ACYP2: variants seen among roughly 807,000 people sequenced by gnomAD.
ACYP2 encodes the protein acylphosphatase-2.
ACYP2 carries 12 observed loss-of-function variants against 11.2 expected under a neutral mutation model. That is an observed-to-expected ratio of 1.08 (90% CI 0.69 to 1.74). The LOEUF (loss-of-function observed/expected upper bound fraction) is 1.74, where lower values mean the gene tolerates loss of function less well. ACYP2 is among the 40% of genes most tolerant of loss of function. The pLI is 0.00. For synonymous variants in ACYP2, 43 were observed against 32.2 expected, an observed-to-expected ratio of 1.33 and a Z score of -1.13; for missense variants, 134 against 101.9, an observed-to-expected ratio of 1.31 and a Z score of -1.35.
intron 6 of ACYP2, among the ~76,000 whole-genome samples, chr2:54,213,531 A>G (rs549454565): frequency 6.6e-6 from 1 of 152,100 alleles, no homozygotes; most frequent in South Asian, 2.1e-4. Flanking sequence ...TTTCTAATTT[A>G]TTCCCACCAG....
chr2:54,133,973 A>G (rs1247273741), intron 4 of ACYP2, among the ~76,000 whole-genome samples: 2 of 152,216 alleles, frequency 1.3e-5, no homozygotes, highest in African/African-American at 4.8e-5. Context: ...GGATACCATC[A>G]TAGTTGGCCA....
chr2:54,069,075 C>G (rs1258773282), intron 4 of ACYP2, among the ~76,000 whole-genome samples: 1 of 151,912 alleles, frequency 6.6e-6, no homozygotes, highest in Non-Finnish European at 1.5e-5. Flanking sequence ...CTACATGTGG[C>G]ACCACCACAC....
rs969507938 is a variant in ACYP2 at position 54,275,401 on chromosome 2, G to A, written c.405-29287G>A. Among the ~76,000 whole-genome samples the A allele has an allele frequency of 3.9e-5, 6 of 152,296 alleles. No homozygotes were observed. In the South Asian group the frequency reaches 1.2e-3, roughly 32 times the overall value. ...ATTGGCTACTGACTATTTGAAATTGGCTATTTCATAGAGGTAAAAATCTCA... is the reference window on the plus strand; with the variant it reads ...ATTGGCTACTGACTATTTGAAATTGACTATTTCATAGAGGTAAAAATCTCA... On this transcript the variant is annotated intron_variant, in intron 6 of 6. Transcript: ENST00000607452.
chr2:54,171,147 A>G (rs1272163273), intron 6 of ACYP2, among the ~76,000 whole-genome samples: 4 of 152,114 alleles, frequency 2.6e-5, no homozygotes, highest in Non-Finnish European at 5.9e-5. Context: ...CCCATATGTG[A>G]TCAGCAGGGG....
At chr2:54,034,719 G>T (rs1437654606) in intron 2 of ACYP2, among the ~76,000 whole-genome samples, 1 of 152,024 alleles carries the variant, frequency 6.6e-6, no homozygotes, top group African/African-American at 2.4e-5. Context: ...ATGGTTAAAA[G>T]ATTAGACTCA....
chr2:54,274,333 G>A (rs2104092492), intron 6 of ACYP2, among the ~76,000 whole-genome samples: 1 of 152,218 alleles, frequency 6.6e-6, no homozygotes, highest in South Asian at 2.1e-4. Flanking sequence ...TGACACATGA[G>A]AGTTGTGGAG....
chr2:54,168,287 C>T (rs1054577807), intron 6 of ACYP2, among the ~76,000 whole-genome samples: 1 of 151,830 alleles, frequency 6.6e-6, no homozygotes, highest in Non-Finnish European at 1.5e-5. Context: ...ATCACCCAGG[C>T]GTGGTGGTAC....
chr2:54,013,314 TG>T (rs1673493912), intron 2 of ACYP2, among the ~76,000 whole-genome samples: 8 of 133,502 alleles, frequency 6.0e-5, no homozygotes, highest in African/African-American at 1.7e-4. Flanking sequence ...TGTGTGTGTG[TG>T]TTTTGAGACA....
At chr2:54,195,788 T>C (rs1332202630) in intron 6 of ACYP2, among the ~76,000 whole-genome samples, 2 of 141,614 alleles carry the variant, frequency 1.4e-5, no homozygotes, top group Non-Finnish European at 1.5e-5. Context: ...CATCGTTTTG[T>C]TGTGGGTTTT....
intron 4 of ACYP2, among the ~76,000 whole-genome samples, chr2:54,121,072 C>G (rs1019479831): frequency 6.6e-6 from 1 of 152,116 alleles, no homozygotes; most frequent in African/African-American, 2.4e-5. Context: ...TGTTACAGCT[C>G]TTTTTGCACC....
intron 6 of ACYP2, among the ~76,000 whole-genome samples, chr2:54,226,595 G>C (rs1226886678): frequency 6.6e-6 from 1 of 152,218 alleles, no homozygotes; most frequent in Non-Finnish European, 1.5e-5. Flanking sequence ...GGATGAATTT[G>C]AGTAATCAAT....
intron 4 of ACYP2, among the ~76,000 whole-genome samples, chr2:54,061,615 T>C (rs148078429): frequency 1.3e-5 from 2 of 152,328 alleles, no homozygotes; most frequent in East Asian, 3.9e-4. Flanking sequence ...TGGGAGCCTA[T>C]TGGTTAGTTC....
intron 4 of ACYP2, among the ~76,000 whole-genome samples, chr2:54,100,545 G>A (rs921456797): frequency 1.3e-5 from 2 of 151,890 alleles, no homozygotes; most frequent in Admixed American, 1.3e-4. Context: ...CTGGGCTGGA[G>A]AGATCATCCT....
chr2:54,012,999 C>T (rs1193132598), intron 2 of ACYP2, among the ~76,000 whole-genome samples: 1 of 152,122 alleles, frequency 6.6e-6, no homozygotes, highest in Non-Finnish European at 1.5e-5. Flanking sequence ...CCAAGATGCT[C>T]TTACCTCAAG....
intron 4 of ACYP2, among the ~76,000 whole-genome samples, chr2:54,109,376 TA>T (rs1679336000): frequency 6.6e-6 from 1 of 151,220 alleles, no homozygotes; most frequent in African/African-American, 2.4e-5. Context: ...TGCAAAGGCA[TA>T]AAAATGACAC....
intron 2 of ACYP2, among the ~76,000 whole-genome samples, chr2:54,022,680 C>A (rs565509183): frequency 2.0e-5 from 3 of 152,192 alleles, no homozygotes; most frequent in African/African-American, 7.2e-5. Context: ...CTGTGCCAGG[C>A]CCATATTTAA....
intron 2 of ACYP2, among the ~76,000 whole-genome samples, chr2:53,993,698 G>T (rs1357279393): frequency 1.3e-5 from 2 of 150,324 alleles, no homozygotes; most frequent in African/African-American, 4.9e-5. Flanking sequence ...GAAAAAAAAG[G>T]ATGAAAAAAA....
intron 2 of ACYP2, among the ~76,000 whole-genome samples, chr2:54,012,175 G>T (rs922743810): frequency 2.0e-5 from 3 of 151,702 alleles, no homozygotes; most frequent in Non-Finnish European, 2.9e-5. Context: ...AGTTGAGGTT[G>T]CAGTGAGCTG....
intron 6 of ACYP2, among the ~76,000 whole-genome samples, chr2:54,203,794 T>C (rs1684954186): frequency 6.9e-6 from 1 of 145,222 alleles, no homozygotes; most frequent in African/African-American, 2.5e-5. Context: ...AATACTCTTC[T>C]AATACCCCCT....
Sources: gnomAD v4.1 joint callset for allele counts (sites outside exome capture counted in the v4.1 genomes callset) on GRCh38, gnomAD v4.1.1 for gene constraint, MANE v1.5 for transcripts, NCBI Gene and HGNC (gene_info 2026-07-23, HGNC 2026-07-21) for gene names.